The following NALF1 variants were observed in gnomAD, a reference collection of about 807,000 sequenced individuals.
The protein encoded by NALF1 is family with sequence similarity 155 member A.
A neutral mutation model predicts 48.4 loss-of-function variants in NALF1; 3 were observed. The ratio of observed to expected loss-of-function variants is 0.06; its 90% confidence interval spans 0.03 to 0.16. The LOEUF (loss-of-function observed/expected upper bound fraction) is 0.16, where lower values mean the gene tolerates loss of function less well. Among genes scored for constraint, NALF1 ranks in the 10% least tolerant of loss-of-function variants. The pLI, the probability that NALF1 is intolerant of heterozygous loss-of-function variation, is 1.00. For missense variants in NALF1, 526 were observed against 571.5 expected, an observed-to-expected ratio of 0.92 and a Z score of 0.81; for synonymous variants, 262 against 245.7, an observed-to-expected ratio of 1.07 and a Z score of -0.62.
At chr13:107,742,976 C>T (rs1331514279) in intron 1 of NALF1, among the ~76,000 whole-genome samples, 1 of 152,222 alleles carries the variant, frequency 6.6e-6, no homozygotes, top group East Asian at 1.9e-4. Context: ...ATTTCCTCAG[C>T]ACACAGATTT....
intron 1 of NALF1, among the ~76,000 whole-genome samples, chr13:107,241,198 A>T (rs1224546324): frequency 6.6e-6 from 1 of 152,108 alleles, no homozygotes; most frequent in Admixed American, 6.5e-5. Context: ...TGTCTCAAAT[A>T]TATATTTGAC....
intron 1 of NALF1, among the ~76,000 whole-genome samples, chr13:107,406,617 T>C (rs1351259336): frequency 2.6e-5 from 4 of 151,940 alleles, no homozygotes. Flanking sequence ...TAAGACAATC[T>C]CTATCTCTAT....
At chr13:107,846,977 G>C (rs1880188438) in intron 1 of NALF1, among the ~76,000 whole-genome samples, 1 of 151,762 alleles carries the variant, frequency 6.6e-6, no homozygotes, top group Non-Finnish European at 1.5e-5. Flanking sequence ...TACATTTTTA[G>C]GAAACAGACT....
chr13:107,382,831 TTGTG>T (rs1203148572), intron 1 of NALF1, among the ~76,000 whole-genome samples: 1 of 152,242 alleles, frequency 6.6e-6, no homozygotes, highest in African/African-American at 2.4e-5. Context: ...TCTTTTGCCC[TTGTG>T]TGATCCATCA....
chr13:107,338,620 G>A (rs1310738430), intron 1 of NALF1, among the ~76,000 whole-genome samples: 1 of 152,086 alleles, frequency 6.6e-6, no homozygotes, highest in Non-Finnish European at 1.5e-5. Flanking sequence ...CCAGCCTCAT[G>A]GGTCTGTTGT....
chr13:107,716,839 T>C (rs899301841), intron 1 of NALF1, among the ~76,000 whole-genome samples: 2 of 150,808 alleles, frequency 1.3e-5, no homozygotes, highest in South Asian at 2.1e-4. Context: ...AGTGGAATTA[T>C]GAAGAGAAAC....
chr13:107,263,182 C>T (rs1273237364), intron 1 of NALF1, among the ~76,000 whole-genome samples: 1 of 150,870 alleles, frequency 6.6e-6, no homozygotes, highest in African/African-American at 2.4e-5. Flanking sequence ...CCTTTTTAAC[C>T]CAGCAGCAGG....
chr13:107,165,747 C>T lies in NALF1; in HGVS notation c.*4750G>A, dbSNP rs1229836628. ...CTGAAAGTCTTTTTATTCATTGTCA[C>T]CCAATACCTACCTGCTATATTAGGT... On this transcript the variant is annotated 3_prime_UTR_variant, in exon 3 of 3. Transcript: ENST00000375915. 1.3e-5 allele frequency: 2 copies of T among 152,106 alleles called. No homozygotes were observed. The highest frequency in any genetic ancestry group is 2.4e-5 in the African/African-American group (1 of 41,414). The allele number at this position is 152,106 out of a possible 1,614,324, so 9.4% of individuals were successfully genotyped here.
At chr13:107,325,913 T>C (rs12016881) in intron 1 of NALF1, among the ~76,000 whole-genome samples, 6,941 of 127,596 alleles carry the variant, frequency 0.054, 341 homozygotes, top group African/African-American at 0.11. Context: ...CACACATATA[T>C]ACATATATCA....
At chr13:107,191,167 C>T (rs994612964) in intron 2 of NALF1, among the ~76,000 whole-genome samples, 1 of 151,832 alleles carries the variant, frequency 6.6e-6, no homozygotes, top group Non-Finnish European at 1.5e-5. Flanking sequence ...CAATTGTTGA[C>T]CTCAGAGGTC....
chr13:107,631,131 G>C (rs1041215907), intron 1 of NALF1, among the ~76,000 whole-genome samples: 1 of 152,036 alleles, frequency 6.6e-6, no homozygotes, highest in African/African-American at 2.4e-5. Context: ...CCAGTAGCTG[G>C]GACTACAGGC....
At chr13:107,622,474 A>G (rs9559106) in intron 1 of NALF1, among the ~76,000 whole-genome samples, 3 of 37,780 alleles carry the variant, frequency 7.9e-5, no homozygotes, top group Non-Finnish European at 3.1e-4. Flanking sequence ...ACAACAACAA[A>G]AAAAAAAAAA....
chr13:107,224,372 GAT>G (rs1880057880), intron 1 of NALF1, among the ~76,000 whole-genome samples: 1 of 150,322 alleles, frequency 6.7e-6, no homozygotes, highest in South Asian at 2.1e-4. Flanking sequence ...TCATCAATAA[GAT>G]ATGTCATTGT....
intron 1 of NALF1, among the ~76,000 whole-genome samples, chr13:107,336,352 CGAT>C (rs200505370): frequency 1.4e-5 from 2 of 140,468 alleles, no homozygotes; most frequent in Admixed American, 1.5e-4. Flanking sequence ...GACTCTGTCT[CGAT>C]GATGATGATG....
chr13:107,404,407 T>C (rs1420121140), intron 1 of NALF1, among the ~76,000 whole-genome samples: 1 of 152,068 alleles, frequency 6.6e-6, no homozygotes, highest in Non-Finnish European at 1.5e-5. Flanking sequence ...ATATGGTTTA[T>C]ATTTGAAAAA....
intron 1 of NALF1, among the ~76,000 whole-genome samples, chr13:107,556,426 A>C (rs1451764081): frequency 1.3e-5 from 2 of 151,782 alleles, no homozygotes; most frequent in Non-Finnish European, 2.9e-5. Flanking sequence ...TTAACATTAA[A>C]ACTCGAGAAC....
intron 1 of NALF1, among the ~76,000 whole-genome samples, chr13:107,796,421 T>C (rs1234930238): frequency 6.6e-6 from 1 of 152,246 alleles, no homozygotes. Flanking sequence ...CCTTCATTAT[T>C]TTCTGAGCAT....
At chr13:107,688,751 G>A (rs548802840) in intron 1 of NALF1, among the ~76,000 whole-genome samples, 2 of 152,256 alleles carry the variant, frequency 1.3e-5, no homozygotes, top group Admixed American at 6.5e-5. Context: ...AAAGACCACG[G>A]ACCTATTGCC....
chr13:107,610,924 T>C (rs189992434), intron 1 of NALF1, among the ~76,000 whole-genome samples: 9 of 151,956 alleles, frequency 5.9e-5, no homozygotes, highest in Admixed American at 5.2e-4. Flanking sequence ...GTGGAGGAGG[T>C]AGGTGTCAAT....
Sources: gnomAD v4.1 joint callset for allele counts (sites outside exome capture counted in the v4.1 genomes callset) on GRCh38, gnomAD v4.1.1 for gene constraint, MANE v1.5 for transcripts, NCBI Gene and HGNC (gene_info 2026-07-23, HGNC 2026-07-21) for gene names.